FSTL4: variants seen among roughly 807,000 people sequenced by gnomAD.
The protein encoded by FSTL4 is follistatin like 4.
FSTL4 carries 28 observed loss-of-function variants against 78.2 expected under a neutral mutation model. The ratio of observed to expected loss-of-function variants is 0.36; its 90% CI spans 0.27 to 0.49. FSTL4 has a LOEUF of 0.49. Ranked by LOEUF, FSTL4 falls within the 20% of genes least tolerant of loss-of-function variation. The pLI is 0.98. For synonymous variants in FSTL4, 422 were observed against 440.5 expected (o/e 0.96, Z 0.53); for missense variants, 922 against 1,084.9 (o/e 0.85, Z 2.11).
chr5:133,738,150 G>A, the FSTL4 span, among the ~76,000 whole-genome samples: 550 of 152,092 alleles, frequency 3.6e-3, 6 homozygotes, highest in East Asian at 0.021. Context: ...GTAAAGAATC[G>A]CTGGACTTCT....
the FSTL4 span, among the ~76,000 whole-genome samples, chr5:133,803,314 C>A: frequency 6.6e-6 from 1 of 152,170 alleles, no homozygotes; most frequent in Non-Finnish European, 1.5e-5. Flanking sequence ...CAACTCCATG[C>A]CAAGTGTCTA....
At chr5:133,810,158 G>T in the FSTL4 span, among the ~76,000 whole-genome samples, 1 of 152,228 alleles carries the variant, frequency 6.6e-6, no homozygotes, top group Admixed American at 6.5e-5. Context: ...CATAAAACCT[G>T]CCCATGCAGA....
chr5:133,811,875 A>G, the FSTL4 span, among the ~76,000 whole-genome samples: 147,982 of 152,266 alleles, frequency 0.97, 72,048 homozygotes, highest in East Asian at 1. Flanking sequence ...ATCCTGGGTC[A>G]TAGACTCAAG....
the FSTL4 span, among the ~76,000 whole-genome samples, chr5:133,626,594 C>T: frequency 2.0e-5 from 3 of 151,330 alleles, no homozygotes; most frequent in Non-Finnish European, 2.9e-5. Context: ...TTCTCATTTT[C>T]GTTCAGTTTA....
chr5:133,672,468 G>A, the FSTL4 span, among the ~76,000 whole-genome samples: 1 of 152,214 alleles, frequency 6.6e-6, no homozygotes, highest in Non-Finnish European at 1.5e-5. Context: ...GGCTGAGTTA[G>A]AATTAAACCT....
chr5:133,563,813 A>AT (rs1285010151), intron 3 of FSTL4, among the ~76,000 whole-genome samples: 1 of 152,236 alleles, frequency 6.6e-6, no homozygotes, highest in Admixed American at 6.5e-5. Context: ...TGAGAGTGAC[A>AT]TTTTGTCTAT....
chr5:133,600,950 C>A (rs190731293), intron 2 of FSTL4, among the ~76,000 whole-genome samples: 2 of 152,350 alleles, frequency 1.3e-5, no homozygotes, highest in African/African-American at 2.4e-5. Flanking sequence ...TCTGCAGAAA[C>A]TGCTAGAGGA....
In FSTL4 at chr5:133,567,280, A is replaced by C. The variant is rs1467899418; in HGVS notation, c.127-61T>G. On this transcript the variant is annotated intron_variant, in intron 2 of 15. Coordinates refer to ENST00000265342, the MANE Select transcript of FSTL4 (RefSeq NM_015082.2). ...ATAATTCATATGTACAGATACTTGC[A>C]AATATCTCCTCTCTTGTTAGTCACA... 3 of 1,152,966 alleles carry C rather than the reference A, an allele frequency of 2.6e-6. No individual in the cohort carries two copies. In the African/African-American group the frequency reaches 4.5e-5, roughly 17 times the overall value. The allele number at this position is 1,152,966 out of a possible 1,614,324, so 71.4% of individuals were successfully genotyped here. A position where few individuals can be genotyped will look rare whatever the true frequency, so the allele number is the denominator to read the frequency against.
chr5:133,200,429 G>T (rs141458288), intron 15 of FSTL4, among the ~76,000 whole-genome samples: 6 of 152,238 alleles, frequency 3.9e-5, no homozygotes, highest in Admixed American at 1.3e-4. Context: ...TTTTCCCTCC[G>T]GAGCCAGATG....
intron 4 of FSTL4, among the ~76,000 whole-genome samples, chr5:133,327,148 C>G (rs1044275569): frequency 6.6e-6 from 1 of 152,166 alleles, no homozygotes; most frequent in African/African-American, 2.4e-5. Flanking sequence ...ACACCAGGGC[C>G]TCAGGAAACT....
At chr5:133,264,699 G>A (rs1370569396) in intron 6 of FSTL4, among the ~76,000 whole-genome samples, 2 of 152,180 alleles carry the variant, frequency 1.3e-5, no homozygotes, top group East Asian at 1.9e-4. Context: ...CTCTCTCTTC[G>A]TCTTGGGTAG....
At chr5:133,362,216 C>A (rs1386188090) in intron 4 of FSTL4, among the ~76,000 whole-genome samples, 3 of 152,162 alleles carry the variant, frequency 2.0e-5, no homozygotes, top group Non-Finnish European at 1.5e-5. Context: ...ATTATGAATT[C>A]CACTGTGGTC....
chr5:133,263,616 T>A (rs1414897008), intron 6 of FSTL4, among the ~76,000 whole-genome samples: 4 of 152,192 alleles, frequency 2.6e-5, no homozygotes, highest in East Asian at 3.9e-4. Flanking sequence ...ATCTTTGGAA[T>A]GGGTTGGACA....
At chr5:133,299,824 A>G (rs990789802) in intron 6 of FSTL4, among the ~76,000 whole-genome samples, 2 of 152,198 alleles carry the variant, frequency 1.3e-5, no homozygotes, top group African/African-American at 2.4e-5. Flanking sequence ...GGTGAGACCC[A>G]GGAAAAATGA....
chr5:133,722,692 G>A, the FSTL4 span, among the ~76,000 whole-genome samples: 2 of 152,112 alleles, frequency 1.3e-5, no homozygotes, highest in Admixed American at 6.5e-5. Context: ...CCCTGCATAG[G>A]TGTCTCCACA....
At chr5:133,239,905 C>T (rs1454185215) in intron 7 of FSTL4, among the ~76,000 whole-genome samples, 5 of 152,200 alleles carry the variant, frequency 3.3e-5, no homozygotes, top group South Asian at 2.1e-4. Flanking sequence ...ACAGACCAAT[C>T]GGCTCTCTGT....
intron 3 of FSTL4, among the ~76,000 whole-genome samples, chr5:133,449,768 C>T (rs1757346066): frequency 3.3e-5 from 5 of 152,182 alleles, no homozygotes; most frequent in Admixed American, 3.3e-4. Flanking sequence ...TCCCTTCCAA[C>T]ACCACTGTGC....
At chr5:133,828,117 G>A in the FSTL4 span, among the ~76,000 whole-genome samples, 1 of 152,148 alleles carries the variant, frequency 6.6e-6, no homozygotes, top group African/African-American at 2.4e-5. Context: ...ACCCTCCTCT[G>A]CTGTGTGTTA....
chr5:133,693,103 A>C, the FSTL4 span, among the ~76,000 whole-genome samples: 1 of 152,206 alleles, frequency 6.6e-6, no homozygotes. Flanking sequence ...ATACTGAGGA[A>C]GTTCTCTCAC....
Sources: allele counts gnomAD v4.1 joint callset (sites outside exome capture counted in the v4.1 genomes callset), GRCh38; gene constraint gnomAD v4.1.1; transcripts MANE v1.5; gene names NCBI Gene and HGNC (gene_info 2026-07-23, HGNC 2026-07-21).